Variants in PKHD1 observed in about 807,000 individuals in gnomAD.
PKHD1 encodes fibrocystin.
Under a neutral mutation model 412.0 loss-of-function variants are expected in PKHD1, and 291 were observed. That is an observed-to-expected ratio of 0.71 (90% CI 0.64 to 0.78). The LOEUF (loss-of-function observed/expected upper bound fraction) is 0.78. Among genes scored for constraint, PKHD1 ranks in the 30% least tolerant of loss-of-function variants. PKHD1 has a pLI of 0.00. For synonymous variants in PKHD1, 1,777 were observed against 1,821.5 expected (o/e 0.98, Z 0.62); for missense variants, 4,825 against 4,950.7 (o/e 0.97, Z 0.76).
At chr6:51,860,978 A>T (rs990740774) in intron 48 of PKHD1, among the ~76,000 whole-genome samples, 1 of 151,720 alleles carries the variant, frequency 6.6e-6, no homozygotes, top group Non-Finnish European at 1.5e-5. Context: ...CACCCAGCTA[A>T]TTTTTTATAT....
chr6:51,961,985 C>T (rs1792113870), intron 35 of PKHD1, among the ~76,000 whole-genome samples: 2 of 152,036 alleles, frequency 1.3e-5, no homozygotes, highest in South Asian at 4.1e-4. Flanking sequence ...TAATGATCCT[C>T]TCAGATGACA....
chr6:51,708,147 T>C (rs919661102), intron 60 of PKHD1, among the ~76,000 whole-genome samples: 2 of 152,176 alleles, frequency 1.3e-5, no homozygotes, highest in African/African-American at 4.8e-5. Context: ...AATCTGCTTC[T>C]CCTGCAGGAT....
chr6:51,807,336 G>T (rs1763921121), intron 52 of PKHD1, among the ~76,000 whole-genome samples: 1 of 150,940 alleles, frequency 6.6e-6, no homozygotes, highest in Non-Finnish European at 1.5e-5. Flanking sequence ...TACTTGGGAG[G>T]CTGAGGCAGG....
intron 47 of PKHD1, among the ~76,000 whole-genome samples, chr6:51,869,133 T>C (rs1334327316): frequency 6.6e-6 from 1 of 152,166 alleles, no homozygotes; most frequent in East Asian, 1.9e-4. Context: ...ATTGCACCTC[T>C]TGCAACTTCT....
intron 35 of PKHD1, among the ~76,000 whole-genome samples, chr6:51,991,487 C>T (rs2128071784): frequency 6.6e-6 from 1 of 152,160 alleles, no homozygotes; most frequent in African/African-American, 2.4e-5. Context: ...ATAGTCCTCA[C>T]TTAAAAAAAT....
chr6:52,006,369 TTG>T (rs1491555241), intron 35 of PKHD1, among the ~76,000 whole-genome samples: 17 of 102,040 alleles, frequency 1.7e-4, no homozygotes, highest in Admixed American at 4.8e-4. Context: ...GTTGTTGTTG[TTG>T]TTGTTTGTTT....
intron 55 of PKHD1, among the ~76,000 whole-genome samples, chr6:51,771,272 A>G (rs1046400764): frequency 2.0e-5 from 3 of 152,032 alleles, no homozygotes; most frequent in African/African-American, 4.8e-5. Flanking sequence ...GAGAACTCCA[A>G]CTAATACATT....
intron 37 of PKHD1, among the ~76,000 whole-genome samples, chr6:51,929,526 G>A (rs1386765069): frequency 6.6e-6 from 1 of 152,084 alleles, no homozygotes; most frequent in African/African-American, 2.4e-5. Context: ...ATTTTGTGGA[G>A]CACAATGTGA....
chr6:51,998,827 C>T (rs1192869465), intron 35 of PKHD1, among the ~76,000 whole-genome samples: 1 of 152,026 alleles, frequency 6.6e-6, no homozygotes, highest in South Asian at 2.1e-4. Context: ...ATTTTATGGA[C>T]AATATCTTCT....
chr6:51,637,404 C>A (rs974108912), intron 64 of PKHD1, among the ~76,000 whole-genome samples: 9 of 152,096 alleles, frequency 5.9e-5, no homozygotes, highest in Non-Finnish European at 1.5e-5. Flanking sequence ...GCTCTTTTAA[C>A]AAGTATTTAA....
At chr6:52,076,533 C>G (rs1021611937) in intron 5 of PKHD1, among the ~76,000 whole-genome samples, 200 bp from the exon 6 acceptor site, 4 of 152,050 alleles carry the variant, frequency 2.6e-5, no homozygotes, top group Non-Finnish European at 5.9e-5. Context: ...CATATTTCTC[C>G]TATAGATGAG....
At chr6:51,976,944 T>TTA in intron 35 of PKHD1, among the ~76,000 whole-genome samples, 2 of 93,526 alleles carry the variant, frequency 2.1e-5, no homozygotes, top group South Asian at 8.1e-4. Context: ...TGAGACTCCA[T>TTA]AAAAAAAAAA....
chr6:51,870,555 G>C lies in PKHD1; in HGVS notation c.7435C>G (p.Leu2479Val). Residue 2479 changes from leucine (L) to valine (V), a missense_variant, in exon 47 of 67, where the codon CTC becomes GTC. Transcript: ENST00000371117. ...VSNTTFVNFD[L>V]INCVAIRTCS... is the part of the protein sequence containing the mutation. ...GTTCTAATGGCCACACAGTTGATGAGATCAAAATTAACAAAGGTTGTGTTA... is the reference window on the plus strand; with the variant it reads ...GTTCTAATGGCCACACAGTTGATGACATCAAAATTAACAAAGGTTGTGTTA... The C allele has an allele frequency of 6.2e-7, 1 of 1,611,382 alleles. No individual in the cohort carries two copies. The highest frequency in any genetic ancestry group is 1.3e-5 in the African/African-American group (1 of 74,980).
rs1005371498 is a variant in PKHD1, at chr6:51,909,447, A to T, written c.6518T>A (p.Met2173Lys). The change falls in exon 40 of 67, where the codon ATG becomes AAG. Residue 2173 changes from methionine (M) to lysine (K), a missense_variant. Physicochemically the swap from Met to Lys is moderately conservative, Grantham distance 95. Transcript: ENST00000371117. The stretch of plus-strand genomic sequence containing the variant: ...CCTGGATCCTAGCATCTTCTCACTC[A>T]TGGAATACAAACAGTGCTGCAGATT... ...EGNLQHCLYS[M>K]SEKMLGSRDM... 3 of 1,613,254 alleles carry T rather than the reference A, an allele frequency of 1.9e-6. No individual in the cohort carries two copies. Among genetic ancestry groups the T allele is most frequent in the African/African-American group, 1.3e-5 (1 of 74,864 alleles).
intron 27 of PKHD1, among the ~76,000 whole-genome samples, chr6:52,037,175 TG>T (rs1804091105): frequency 6.6e-6 from 1 of 151,962 alleles, no homozygotes; most frequent in South Asian, 2.1e-4. Flanking sequence ...TAAATATCAC[TG>T]AAAAAAAACT....
chr6:52,043,492 T>G, intron 26 of PKHD1, 133 bp downstream of exon 26: 2 of 725,956 alleles, frequency 2.8e-6, no homozygotes, highest in Non-Finnish European at 4.9e-6. Context: ...ATACACTTTC[T>G]GCTACGTCAC....
chr6:51,911,712 A>G, intron 39 of PKHD1, 87 bp downstream of exon 39: 1 of 1,160,354 alleles, frequency 8.6e-7, no homozygotes, highest in Non-Finnish European at 1.3e-6. Context: ...ATTTTAAAAG[A>G]GGTCAACCAC....
intron 36 of PKHD1, among the ~76,000 whole-genome samples, chr6:51,937,546 C>T (rs1266896): frequency 0.7 from 107,068 of 152,132 alleles, 38,179 homozygotes; most frequent in East Asian, 0.94. Flanking sequence ...CCTAACTTCT[C>T]TTCAGCTTTC....
intron 27 of PKHD1, among the ~76,000 whole-genome samples, chr6:52,042,082 T>C (rs1262262236): frequency 6.6e-6 from 1 of 152,182 alleles, no homozygotes; most frequent in Non-Finnish European, 1.5e-5. Flanking sequence ...CACTCTGAGC[T>C]CCATATATCA....
Sources: gnomAD v4.1 joint callset for allele counts (sites outside exome capture counted in the v4.1 genomes callset) on GRCh38, gnomAD v4.1.1 for gene constraint, MANE v1.5 for transcripts, NCBI Gene and HGNC (gene_info 2026-07-23, HGNC 2026-07-21) for gene names.